Variants in PLXND1 observed in about 807,000 individuals in gnomAD.
The protein encoded by PLXND1 is plexin D1.
In PLXND1, 54 loss-of-function variants were observed where a neutral mutation model predicts 197.7. The ratio of observed to expected loss-of-function variants is 0.27; its 90% CI spans 0.22 to 0.34. The LOEUF is 0.34. Ranked by LOEUF, PLXND1 falls within the 10% of genes least tolerant of loss-of-function variation. PLXND1 has a pLI of 1.00. For synonymous variants in PLXND1, 1,180 were observed against 1,161.2 expected (o/e 1.02, Z -0.33); for missense variants, 2,127 against 2,699.2 (o/e 0.79, Z 4.70).
Position 129,567,680 on chromosome 3 carries a change from A to G in PLXND1, c.3973+18T>C. On this transcript the variant is annotated intron_variant, in intron 21 of 35. Transcript: ENST00000324093. ...AGGGAAAGTTGAGGCCCAGCCCTGC[A>G]GGGTCCCCGCCCACTACCTTTGCGG... is the stretch of plus-strand genomic sequence containing the variant. 1.3e-6 allele frequency: 2 copies of G among 1,584,406 alleles called. No homozygotes were observed. The highest frequency in any genetic ancestry group is 1.1e-5 in the South Asian group (1 of 90,436).
chr3:129,562,347 TAC>T lies in PLXND1; in HGVS notation c.4825+438_4825+439del, dbSNP rs1443597752. 3 of 233,012 alleles carry T rather than the reference TAC, an allele frequency of 1.3e-5. No homozygotes were observed. The Admixed American group carries it at 1.5e-4, about 12-fold the overall frequency. 14.4% of individuals were successfully genotyped at this position (233,012 alleles called of 1,614,324 possible). A position where few individuals can be genotyped will look rare whatever the true frequency, so the allele number is the denominator to read the frequency against. ...GGGCAGCACAGCATGACACTATCTT[TAC>T]AAAAAGTAAAATTAGCTGGATGTGG... On this transcript the variant is annotated intron_variant, in intron 27 of 35. Transcript: ENST00000324093.
At chr3:129,562,730 G>T in intron 27 of PLXND1, 57 bp downstream of exon 27, 1 of 1,519,828 alleles carries the variant, frequency 6.6e-7, no homozygotes, top group South Asian at 1.2e-5. Flanking sequence ...CGTCAAGGCA[G>T]GGGCCAGCCC....
rs536821230 is a variant in PLXND1 at position 129,571,603 on chromosome 3, C to T, written c.3246-4G>A. 3.0e-5 allele frequency: 49 copies of T among 1,613,844 alleles called. No homozygotes were observed. Among genetic ancestry groups the T allele is most frequent in the South Asian group, 8.8e-5 (8 of 91,084 alleles). On this transcript the variant is annotated splice_region_variant and splice_polypyrimidine_tract_variant and intron_variant, in intron 16 of 35. Coordinates refer to ENST00000324093, the MANE Select transcript of PLXND1 (RefSeq NM_015103.3). Reference sequence around the variant, plus strand: ...CACTGTGATGGTCCTGCCGCCACTGCGGGGGACAGCAAAACCTATCAGTGC... The same window carrying T: ...CACTGTGATGGTCCTGCCGCCACTGTGGGGGACAGCAAAACCTATCAGTGC...
chr3:129,582,055 C>T (rs1174828697), intron 8 of PLXND1, among the ~76,000 whole-genome samples: 1 of 152,238 alleles, frequency 6.6e-6, no homozygotes, highest in African/African-American at 2.4e-5. Context: ...TCAGGGCTCC[C>T]GTATGGTTTC....
chr3:129,563,108 C>CGATG lies in PLXND1; in HGVS notation c.4650_4653dup (p.Glu1552HisfsTer59). 1 of 1,613,592 alleles carries CGATG rather than the reference C, an allele frequency of 6.2e-7. No homozygotes were observed. Among genetic ancestry groups the CGATG allele is most frequent in the African/African-American group, 1.3e-5 (1 of 75,046 alleles). On this transcript the variant is annotated frameshift_variant, in exon 26 of 36. Transcript: ENST00000324093. LOFTEE classifies it high-confidence loss of function. The stretch of plus-strand genomic sequence containing the variant: ...TGCCGACTTACCCGGGGCTTGGCCT[C>CGATG]GATGTTCTCCCGCAGCAGCCACTCC...
intron 1 of PLXND1, among the ~76,000 whole-genome samples, chr3:129,593,500 G>T (rs914407669): frequency 3.3e-5 from 5 of 152,252 alleles, no homozygotes; most frequent in African/African-American, 1.2e-4. Flanking sequence ...ATGTGGCTCA[G>T]CCCCCCAACT....
At chr3:129,571,344 T>C (rs2285367) in intron 17 of PLXND1, 41 bp from the exon 18 acceptor site, 438,764 of 1,592,034 alleles carry the variant, frequency 0.28, 61,502 homozygotes, top group East Asian at 0.33. Flanking sequence ...GGATGCAGGA[T>C]GGACAGATGG....
In PLXND1 at chr3:129,558,664, C is replaced by T; in HGVS notation, c.5298-89G>A. ...TGTGGAGGAGAGAGCTGGCTTTGTCCCTCAAGGGCCTGAGGTTGGAGCCTT... is the reference window on the plus strand; with the variant it reads ...TGTGGAGGAGAGAGCTGGCTTTGTCTCTCAAGGGCCTGAGGTTGGAGCCTT... On this transcript the variant is annotated intron_variant, in intron 32 of 35. Coordinates refer to ENST00000324093, the MANE Select transcript of PLXND1 (RefSeq NM_015103.3). This position sits in a 1 kb window ranked among gnomAD's most constrained non-coding sequence, Gnocchi z 4.1. 1.5e-6 allele frequency: 2 copies of T among 1,296,980 alleles called. No individual in the cohort carries two copies. Among genetic ancestry groups the T allele is most frequent in the Non-Finnish European group, 2.2e-6 (2 of 919,202 alleles). 80.3% of individuals were successfully genotyped at this position (1,296,980 alleles called of 1,614,324 possible).
intron 6 of PLXND1, 22 bp from the exon 7 acceptor site, chr3:129,584,255 G>A (rs1233810560): frequency 6.3e-7 from 1 of 1,597,638 alleles, no homozygotes; most frequent in Non-Finnish European, 8.6e-7. Context: ...GGGGGAGCCA[G>A]GGGAGGACAT....
In PLXND1 at chr3:129,577,634, G is replaced by A. The variant is rs1398351792; in HGVS notation, c.2346+695C>T. ...AGATGGCGAGTTCCAGGGAGGTGGG[G>A]AGGGGGGTGGCTGGCACGCCTCCAG... is the stretch of plus-strand genomic sequence containing the variant. On this transcript the variant is annotated intron_variant, in intron 9 of 35. Transcript: ENST00000324093. The surrounding 1 kb of genome is among the most constrained non-coding windows in gnomAD (Gnocchi z 5.0). Among the ~76,000 whole-genome samples the A allele has an allele frequency of 2.0e-5, 3 of 152,156 alleles. No individual in the cohort carries two copies. The highest frequency in any genetic ancestry group is 7.2e-5 in the African/African-American group (3 of 41,442).
Position 129,605,950 on chromosome 3 carries a change from G to A in PLXND1, c.690C>T (p.His230=). The change falls in exon 1 of 36, where the codon CAC becomes CAT. Residue 230 remains histidine, a synonymous_variant. Transcript: ENST00000324093. ...CGATCTCGGGCGTGTTCTCGAAGCGGTGGTCCTCCAGGCTGCGGTTGCGCG... is the reference window on the plus strand; with the variant it reads ...CGATCTCGGGCGTGTTCTCGAAGCGATGGTCCTCCAGGCTGCGGTTGCGCG... The part of the protein sequence containing the change: ...FFPRNRSLED[H]RFENTPEIAI... 6.2e-7 allele frequency: 1 copy of A among 1,613,082 alleles called. No homozygotes were observed. The highest frequency in any genetic ancestry group is 8.5e-7 in the Non-Finnish European group (1 of 1,179,864).
At chr3:129,570,539 A>C in intron 19 of PLXND1, 1 of 554,710 alleles carries the variant, frequency 1.8e-6, no homozygotes, top group East Asian at 3.1e-5. Flanking sequence ...GGACAGGGAC[A>C]ATTTCTTATG....
intron 3 of PLXND1, 152 bp downstream of exon 3, chr3:129,586,436 G>A: frequency 1.8e-6 from 2 of 1,098,380 alleles, no homozygotes; most frequent in East Asian, 2.6e-5. Context: ...GGCAAGGTCG[G>A]TGTTGGGAGG....
chr3:129,586,508 G>C lies in PLXND1; in HGVS notation c.1620+80C>G, dbSNP rs1054424976. On this transcript the variant is annotated intron_variant, in intron 3 of 35. Transcript: ENST00000324093. Reference sequence around the variant, plus strand: ...GAGGAGGAGGGTGCTCCCAGCAGAGGAACAGCGTGTGTAAAGGCCAGGCAA... The same window carrying C: ...GAGGAGGAGGGTGCTCCCAGCAGAGCAACAGCGTGTGTAAAGGCCAGGCAA... 3.3e-6 allele frequency: 5 copies of C among 1,495,598 alleles called. No individual in the cohort carries two copies. The African/African-American group carries it at 5.6e-5, about 17-fold the overall frequency. 92.6% of individuals were successfully genotyped at this position (1,495,598 alleles called of 1,614,324 possible). A position where few individuals can be genotyped will look rare whatever the true frequency, so the allele number is the denominator to read the frequency against.
At chr3:129,602,748 T>C (rs186138959) in intron 1 of PLXND1, among the ~76,000 whole-genome samples, 1 of 152,270 alleles carries the variant, frequency 6.6e-6, no homozygotes, top group Non-Finnish European at 1.5e-5. Context: ...TAATGTCCCT[T>C]AGAGTAATAA....
rs2085123708 is a variant in PLXND1, at chr3:129,565,381, G to C, written c.4480C>G (p.Leu1494Val). ...ATGCAGATGGACATCCAGTTGGTGAGCATCTTCTCCACCACAGACTCTGTG... is the reference window on the plus strand; with the variant it reads ...ATGCAGATGGACATCCAGTTGGTGACCATCTTCTCCACCACAGACTCTGTG... ...RRTESVVEKM[L>V]TNWMSICMYS... The change falls in exon 25 of 36, where the codon CTC (leucine) becomes GTC (valine). Residue 1494 changes from leucine (L) to valine (V), a missense_variant. Leu to Val is a conservative substitution (Grantham distance 32). Transcript: ENST00000324093. 1.9e-6 allele frequency: 3 copies of C among 1,614,112 alleles called. No individual in the cohort carries two copies. In the Admixed American group the frequency reaches 5.0e-5, roughly 27 times the overall value.
At position 129,563,742 on chromosome 3, in the gene PLXND1, A is replaced by G. The variant is rs1407931375; in HGVS notation, c.4522-502T>C. Among the ~76,000 whole-genome samples the G allele has an allele frequency of 2.0e-5, 3 of 152,310 alleles. No individual in the cohort carries two copies. In the South Asian group the frequency reaches 6.2e-4, roughly 32 times the overall value. On this transcript the variant is annotated intron_variant, in intron 25 of 35. Coordinates refer to ENST00000324093, the MANE Select transcript of PLXND1 (RefSeq NM_015103.3). The stretch of plus-strand genomic sequence containing the variant: ...GGGCTCAATGTCCCTGCTCTTGCCC[A>G]TCTCCAAGGGTGGCCCTCCAGGCAG...
In PLXND1 at chr3:129,605,949, G is replaced by C; in HGVS notation, c.691C>G (p.Arg231Gly). Residue 231 changes from arginine to glycine, a missense_variant, in exon 1 of 36, where the codon CGC (arginine) becomes GGC (glycine). By Grantham distance (125) the Arg-to-Gly change is moderately radical. Around this residue, in one of 6 missense-constraint regions of PLXND1, gnomAD observed 1,095 missense variants for 1,259.8 expected, o/e 0.87. Transcript: ENST00000324093. ...FPRNRSLEDH[R>G]FENTPEIAIR... ...GCGATCTCGGGCGTGTTCTCGAAGC[G>C]GTGGTCCTCCAGGCTGCGGTTGCGC... 6.2e-7 allele frequency: 1 copy of C among 1,613,072 alleles called. No individual in the cohort carries two copies. The highest frequency in any genetic ancestry group is 8.5e-7 in the Non-Finnish European group (1 of 1,179,864).
At chr3:129,574,263 G>C (rs6762822) in intron 12 of PLXND1, 73 bp downstream of exon 12, 934,323 of 1,408,740 alleles carry the variant, frequency 0.66, 316,109 homozygotes, top group Admixed American at 0.71. Flanking sequence ...CCCAAGAAGT[G>C]GGACCCTCGA....
Sources: gnomAD v4.1 joint callset for allele counts (sites outside exome capture counted in the v4.1 genomes callset) on GRCh38, gnomAD v4.1.1 for gene constraint, gnomAD v4.1.1 regional missense constraint, Gnocchi (gnomAD v3.1) non-coding constraint, MANE v1.5 for transcripts, NCBI Gene and HGNC (gene_info 2026-07-23, HGNC 2026-07-21) for gene names.